Variants in PRKACB observed in about 807,000 individuals in gnomAD.
The protein encoded by PRKACB is protein kinase cAMP-activated catalytic subunit beta, also known as cAMP-dependent protein kinase catalytic subunit beta.
A neutral mutation model predicts 51.4 loss-of-function variants in PRKACB; 16 were observed. The ratio of observed to expected loss-of-function variants is 0.31; its 90% CI spans 0.21 to 0.47. The LOEUF (loss-of-function observed/expected upper bound fraction) is 0.47. Ranked by LOEUF, PRKACB falls within the 20% of genes least tolerant of loss-of-function variation. The pLI is 1.00. For missense variants in PRKACB, 309 were observed against 464.5 expected (o/e 0.67, Z 3.08); for synonymous variants, 147 against 154.4 (o/e 0.95, Z 0.35).
intron 9 of PRKACB, among the ~76,000 whole-genome samples, chr1:84,220,730 G>T (rs1213637376): frequency 1.3e-5 from 2 of 152,156 alleles, no homozygotes; most frequent in Non-Finnish European, 2.9e-5. Flanking sequence ...CTACTAAAGT[G>T]ATGTATCGTG....
rs943991723 is a variant in PRKACB, at chr1:84,237,206, A to C, written c.*1901A>C. The C allele has an allele frequency of 5.2e-5, 8 of 152,616 alleles. No homozygotes were observed. The highest frequency in any genetic ancestry group is 1.7e-4 in the African/African-American group (7 of 41,460). 9.5% of individuals were successfully genotyped at this position (152,616 alleles called of 1,614,324 possible). ...TTTTGTGTAACAAAGGCATATCGTC[A>C]TGTTAATAAATTTAAAACATCATTC... On this transcript the variant is annotated 3_prime_UTR_variant, in exon 10 of 10. Transcript: ENST00000370685.
chr1:84,221,332 CT>C (rs1206857882), intron 9 of PRKACB, among the ~76,000 whole-genome samples: 1 of 151,454 alleles, frequency 6.6e-6, no homozygotes, highest in Non-Finnish European at 1.5e-5. Context: ...GATCTTCTCT[CT>C]TTTTTTCTTG....
intron 5 of PRKACB, among the ~76,000 whole-genome samples, chr1:84,188,420 G>T (rs564522972): frequency 6.6e-6 from 1 of 151,734 alleles, no homozygotes; most frequent in South Asian, 2.1e-4. Flanking sequence ...TCTTTTCTAT[G>T]AATCTGATTG....
intron 9 of PRKACB, among the ~76,000 whole-genome samples, chr1:84,218,128 TTTA>T (rs746014363): frequency 9.2e-5 from 14 of 152,208 alleles, no homozygotes; most frequent in Non-Finnish European, 2.9e-5. Flanking sequence ...ACCTTGATCG[TTTA>T]TTGTTTCTTT....
chr1:84,176,345 A>G (rs1013544043), intron 1 of PRKACB, among the ~76,000 whole-genome samples: 1 of 151,844 alleles, frequency 6.6e-6, no homozygotes, highest in South Asian at 2.1e-4. Context: ...ACCAGAGAAG[A>G]GAAAGGCATT....
chr1:84,087,694 T>A (rs887792963), intron 1 of PRKACB, among the ~76,000 whole-genome samples: 3 of 152,110 alleles, frequency 2.0e-5, no homozygotes, highest in African/African-American at 7.2e-5. Flanking sequence ...TTACTCTTGA[T>A]AGGTTTTATA....
At chr1:84,117,835 T>C (rs115570391) in intron 1 of PRKACB, among the ~76,000 whole-genome samples, 1,696 of 152,312 alleles carry the variant, frequency 0.011, 40 homozygotes, top group African/African-American at 0.039. Flanking sequence ...ATTTGGAGTT[T>C]AATTTGTTCT....
intron 9 of PRKACB, among the ~76,000 whole-genome samples, chr1:84,232,897 A>C (rs530731235): frequency 1.2e-4 from 19 of 152,062 alleles, no homozygotes; most frequent in African/African-American, 3.4e-4. Flanking sequence ...TTAATTGGAG[A>C]ATTTAGTCCA....
intron 1 of PRKACB, among the ~76,000 whole-genome samples, chr1:84,131,133 G>C (rs1260819181): frequency 6.6e-6 from 1 of 152,092 alleles, no homozygotes; most frequent in Non-Finnish European, 1.5e-5. Flanking sequence ...GAGGCAGGGG[G>C]ATCACCTGAG....
intron 1 of PRKACB, among the ~76,000 whole-genome samples, chr1:84,156,325 C>T (rs2100670771): frequency 6.6e-6 from 1 of 152,208 alleles, no homozygotes; most frequent in South Asian, 2.1e-4. Flanking sequence ...GATTTTACCA[C>T]TGCTACATTG....
intron 1 of PRKACB, among the ~76,000 whole-genome samples, chr1:84,150,564 C>T (rs1330994292): frequency 1.3e-5 from 2 of 152,084 alleles, no homozygotes; most frequent in African/African-American, 2.4e-5. Flanking sequence ...GGGTAATGAG[C>T]TGGTTCTTGC....
intron 5 of PRKACB, among the ~76,000 whole-genome samples, chr1:84,185,580 A>T (rs1664842581): frequency 1.3e-5 from 2 of 151,826 alleles, no homozygotes; most frequent in Admixed American, 1.3e-4. Flanking sequence ...TAATAATAAT[A>T]GTATTATGGT....
chr1:84,144,057 A>G (rs1373783252), upstream of PRKACB, among the ~76,000 whole-genome samples: 1 of 152,140 alleles, frequency 6.6e-6, no homozygotes, highest in Non-Finnish European at 1.5e-5. Context: ...TACTATATAT[A>G]TAAAGCTTTA....
At chr1:84,094,146 A>T (rs1050432102) in intron 1 of PRKACB, among the ~76,000 whole-genome samples, 2 of 151,988 alleles carry the variant, frequency 1.3e-5, no homozygotes, top group African/African-American at 4.8e-5. Flanking sequence ...AAATCATGAT[A>T]ACAGCCACAC....
chr1:84,204,415 G>T, intron 8 of PRKACB: 1 of 1,260,256 alleles, frequency 7.9e-7, no homozygotes, highest in Non-Finnish European at 1.2e-6. Flanking sequence ...TATCACTGCT[G>T]TTCTTCTTAC....
At chr1:84,191,060 T>G (rs1361772992) in intron 5 of PRKACB, among the ~76,000 whole-genome samples, 3 of 152,052 alleles carry the variant, frequency 2.0e-5, no homozygotes, top group Non-Finnish European at 4.4e-5. Flanking sequence ...ATCCTGTTAT[T>G]ATGTTACCAG....
intron 1 of PRKACB, among the ~76,000 whole-genome samples, chr1:84,121,318 GTT>G (rs991478054): frequency 6.7e-6 from 1 of 149,826 alleles, no homozygotes; most frequent in Admixed American, 6.6e-5. Flanking sequence ...AATTTATCTT[GTT>G]TTTTTAATAC....
At chr1:84,088,788 A>G (rs1265624385) in intron 1 of PRKACB, among the ~76,000 whole-genome samples, 1 of 152,192 alleles carries the variant, frequency 6.6e-6, no homozygotes, top group African/African-American at 2.4e-5. Flanking sequence ...GCACTATGCT[A>G]GTCTGTAGAT....
Position 84,235,216 on chromosome 1 carries a change from G to A in PRKACB, c.1108G>A (p.Gly370Arg), listed in dbSNP as rs1408352657. ...ATTCATACCAAAGTTTAGAGGCTCTGGAGATACCAGCAACTTTGATGACTA... is the reference window on the plus strand; with the variant it reads ...ATTCATACCAAAGTTTAGAGGCTCTAGAGATACCAGCAACTTTGATGACTA... ...APFIPKFRGS[G>R]DTSNFDDYEE... The change falls in exon 10 of 10, where the codon GGA (glycine) becomes AGA (arginine). Residue 370 changes from glycine (G) to arginine (R), a missense_variant. By Grantham distance (125) the Gly-to-Arg change is moderately radical. Coordinates refer to ENST00000370685, the MANE Select transcript of PRKACB (RefSeq NM_182948.4). 1 of 1,613,638 alleles carries A rather than the reference G, an allele frequency of 6.2e-7. No homozygotes were observed. The highest frequency in any genetic ancestry group is 1.3e-5 in the African/African-American group (1 of 74,826).
Sources: gnomAD v4.1 joint callset for allele counts (sites outside exome capture counted in the v4.1 genomes callset) on GRCh38, gnomAD v4.1.1 for gene constraint, MANE v1.5 for transcripts, NCBI Gene and HGNC (gene_info 2026-07-23, HGNC 2026-07-21) for gene names.